Variants in EBF3 observed in about 807,000 individuals in gnomAD.
The protein encoded by EBF3 is transcription factor COE3.
In EBF3, 18 loss-of-function variants were observed where a neutral mutation model predicts 77.1. That is an observed-to-expected ratio of 0.23 (90% CI 0.16 to 0.35). The LOEUF (loss-of-function observed/expected upper bound fraction) is 0.35, where lower values mean the gene tolerates loss of function less well. EBF3 is among the 10% of genes least tolerant of loss of function. The probability of loss-of-function intolerance (pLI) is 1.00; values close to 1 mark genes in which losing one functional copy is unlikely to be tolerated. For missense variants in EBF3, 558 were observed against 860.0 expected, an observed-to-expected ratio of 0.65 and a Z score of 4.39; for synonymous variants, 350 against 343.5, an observed-to-expected ratio of 1.02 and a Z score of -0.21.
At chr10:129,903,737 G>C (rs1854947437) in intron 6 of EBF3, among the ~76,000 whole-genome samples, 1 of 152,192 alleles carries the variant, frequency 6.6e-6, no homozygotes, top group Non-Finnish European at 1.5e-5. Flanking sequence ...GGTGCTCTGA[G>C]AGGCACTTTC....
At chr10:129,941,707 G>T (rs981446563) in intron 6 of EBF3, among the ~76,000 whole-genome samples, 1 of 152,250 alleles carries the variant, frequency 6.6e-6, no homozygotes. Flanking sequence ...CAGAGAAAGG[G>T]GCAAGGCAGA....
intron 6 of EBF3, among the ~76,000 whole-genome samples, chr10:129,932,650 C>T (rs1857100127): frequency 6.7e-6 from 1 of 150,174 alleles, no homozygotes; most frequent in South Asian, 2.2e-4. Context: ...AAAAATACTT[C>T]TTGCCACGCA....
chr10:129,864,868 G>C lies in EBF3; in HGVS notation c.1039+2273C>G, dbSNP rs1178525192. Among the ~76,000 whole-genome samples the C allele has an allele frequency of 6.6e-6, 1 of 152,158 alleles. No homozygotes were observed. Among genetic ancestry groups the C allele is most frequent in the Admixed American group, 6.5e-5 (1 of 15,286 alleles). On this transcript the variant is annotated intron_variant, in intron 10 of 16. Transcript: ENST00000440978. The surrounding 1 kb of genome is among the most constrained non-coding windows in gnomAD (Gnocchi z 4.4). The stretch of plus-strand genomic sequence containing the variant: ...GAGCAGAGTCCCACAGAACCCAGCC[G>C]AAGTTCACCCTCAGTGACTTTCCAC...
chr10:129,910,079 C>A (rs1028628043), intron 6 of EBF3, among the ~76,000 whole-genome samples: 2 of 152,188 alleles, frequency 1.3e-5, no homozygotes, highest in African/African-American at 4.8e-5. Flanking sequence ...GGCGTGGAGG[C>A]CGTCAGCAGT....
chr10:129,944,003 GTTGA>G lies in EBF3; in HGVS notation c.554+13251_554+13254del, dbSNP rs1228446972. Among the ~76,000 whole-genome samples the G allele has an allele frequency of 3.3e-5, 5 of 152,132 alleles. No individual in the cohort carries two copies. Among genetic ancestry groups the G allele is most frequent in the Non-Finnish European group, 5.9e-5 (4 of 68,028 alleles). ...TTCCCACCCTATGCGTGATTTCTGAGTTGATTAACATTTCATCTCTAGTGTTATG... is the reference window on the plus strand; with the variant it reads ...TTCCCACCCTATGCGTGATTTCTGAGTTAACATTTCATCTCTAGTGTTATG... On this transcript the variant is annotated intron_variant, in intron 6 of 16. Coordinates refer to ENST00000440978, the MANE Select transcript of EBF3 (RefSeq NM_001375380.1). This position sits in a 1 kb window ranked among gnomAD's most constrained non-coding sequence, Gnocchi z 5.1.
intron 6 of EBF3, among the ~76,000 whole-genome samples, chr10:129,893,670 C>T (rs1854171474): frequency 6.6e-6 from 1 of 152,174 alleles, no homozygotes; most frequent in Non-Finnish European, 1.5e-5. Flanking sequence ...ACGCCGGGAA[C>T]GAGCCTCTCC....
rs200227730 is a variant in EBF3, at chr10:129,957,232, T to G, written c.554+26A>C. The G allele has an allele frequency of 2.4e-5, 38 of 1,576,934 alleles. No homozygotes were observed. In the Admixed American group the frequency reaches 7.0e-4, roughly 29 times the overall value. On this transcript the variant is annotated intron_variant, in intron 6 of 16. Coordinates refer to ENST00000440978, the MANE Select transcript of EBF3 (RefSeq NM_001375380.1). ...GTTTTGTTGCTGCTGCGGTTTTGTT[T>G]TGAAAAATAAAGAAGTCATCCTTAC...
rs1256800515 is a variant in EBF3, at chr10:129,879,072, A to T, written c.555-1223T>A. ...GAGATGCTGTGACTAAAACGTCATC[A>T]TGTTGTCCTCCGCATTCCTGCATGC... On this transcript the variant is annotated intron_variant, in intron 6 of 16. Coordinates refer to ENST00000440978, the MANE Select transcript of EBF3 (RefSeq NM_001375380.1). This position sits in a 1 kb window ranked among gnomAD's most constrained non-coding sequence, Gnocchi z 4.7. 6.6e-6 allele frequency among the ~76,000 whole-genome samples: 1 copy of T among 152,114 alleles called. No individual in the cohort carries two copies. The highest frequency in any genetic ancestry group is 1.5e-5 in the Non-Finnish European group (1 of 68,018).
chr10:129,953,110 G>C (rs1204930581), intron 6 of EBF3, among the ~76,000 whole-genome samples: 5 of 151,782 alleles, frequency 3.3e-5, no homozygotes, highest in Admixed American at 1.3e-4. Flanking sequence ...CCAATCGTTG[G>C]GCTACCGTTC....
intron 10 of EBF3, among the ~76,000 whole-genome samples, chr10:129,865,957 C>T (rs1202295331): frequency 6.6e-6 from 1 of 152,200 alleles, no homozygotes; most frequent in Admixed American, 6.5e-5. Context: ...CACAGTCACC[C>T]AGCCACTGCA....
At chr10:129,937,146 C>G (rs559484007) in intron 6 of EBF3, among the ~76,000 whole-genome samples, 2 of 152,146 alleles carry the variant, frequency 1.3e-5, no homozygotes, top group Non-Finnish European at 2.9e-5. Flanking sequence ...GCAATCGTGC[C>G]GGGAACAAGA....
At chr10:129,926,467 G>A (rs1856677388) in intron 6 of EBF3, among the ~76,000 whole-genome samples, 1 of 152,158 alleles carries the variant, frequency 6.6e-6, no homozygotes. Context: ...CAGACCCTGG[G>A]CTGAAACTCT....
intron 4 of EBF3, among the ~76,000 whole-genome samples, chr10:129,960,719 CA>C (rs1859448881): frequency 6.8e-6 from 1 of 147,338 alleles, no homozygotes; most frequent in Non-Finnish European, 1.5e-5. Context: ...TGCAAAGGTA[CA>C]AGGCTAAATG....
At chr10:129,910,869 C>G (rs1231334817) in intron 6 of EBF3, among the ~76,000 whole-genome samples, 2 of 152,194 alleles carry the variant, frequency 1.3e-5, no homozygotes, top group Non-Finnish European at 1.5e-5. Context: ...GGGGAGGGTT[C>G]CAAGCAGCTT....
chr10:129,847,755 T>C (rs756094479), intron 11 of EBF3, among the ~76,000 whole-genome samples: 1 of 152,222 alleles, frequency 6.6e-6, no homozygotes, highest in Non-Finnish European at 1.5e-5. Context: ...AATTATAAGC[T>C]TGACTTGTCT....
At position 129,870,425 on chromosome 10, in the gene EBF3, C is replaced by A. The variant is rs1392555628; in HGVS notation, c.782-2513G>T. On this transcript the variant is annotated intron_variant, in intron 8 of 16. Coordinates refer to ENST00000440978, the MANE Select transcript of EBF3 (RefSeq NM_001375380.1). The surrounding 1 kb of genome is among the most constrained non-coding windows in gnomAD (Gnocchi z 4.4). ...CCCACACTCCCCATCTCTTTCCCGG[C>A]CTGGCCCTGTGATGGGAGGCATCCC... Among the ~76,000 whole-genome samples the A allele has an allele frequency of 1.3e-5, 2 of 151,998 alleles. No homozygotes were observed. The highest frequency in any genetic ancestry group is 4.8e-5 in the African/African-American group (2 of 41,390).
chr10:129,873,804 T>C (rs959497219), intron 7 of EBF3, among the ~76,000 whole-genome samples: 2 of 152,238 alleles, frequency 1.3e-5, no homozygotes, highest in African/African-American at 4.8e-5. Context: ...TCAAGATTGC[T>C]TCTCTTCAAA....
intron 10 of EBF3, among the ~76,000 whole-genome samples, chr10:129,851,390 T>C (rs1850870754): frequency 6.6e-6 from 1 of 152,238 alleles, no homozygotes; most frequent in South Asian, 2.1e-4. Flanking sequence ...CGTAAATTAA[T>C]GTACTTGGTT....
chr10:129,896,591 A>G (rs1854401839), intron 6 of EBF3, among the ~76,000 whole-genome samples: 1 of 152,176 alleles, frequency 6.6e-6, no homozygotes, highest in Admixed American at 6.5e-5. Flanking sequence ...AGTTTGCAGG[A>G]CGTGCTGGGG....
Sources: allele counts gnomAD v4.1 joint callset (sites outside exome capture counted in the v4.1 genomes callset), GRCh38; gene constraint gnomAD v4.1.1; non-coding constraint Gnocchi (gnomAD v3.1); transcripts MANE v1.5; gene names NCBI Gene and HGNC (gene_info 2026-07-23, HGNC 2026-07-21).